Variants in XPA observed in about 807,000 individuals in gnomAD.
XPA encodes the protein XPA, DNA damage recognition and repair factor, also known as DNA repair protein complementing XP-A cells.
In XPA, 27 loss-of-function variants were observed where a neutral mutation model predicts 35.7. The ratio of observed to expected loss-of-function variants is 0.76; its 90% CI spans 0.56 to 1.04. The LOEUF (loss-of-function observed/expected upper bound fraction) is 1.04, where lower values mean the gene tolerates loss of function less well. Ranked by LOEUF, XPA falls within the 50% of genes least tolerant of loss-of-function variation. The pLI is 0.00. For missense variants in XPA, 354 were observed against 342.7 expected (o/e 1.03, Z -0.26); for synonymous variants, 133 against 118.4 (o/e 1.12, Z -0.80).
At chr9:97,695,053 AAGAGTATTACTTCTG>A (rs2131407881) in intron 1 of XPA, among the ~76,000 whole-genome samples, 1 of 152,338 alleles carries the variant, frequency 6.6e-6, no homozygotes, top group South Asian at 2.1e-4. Flanking sequence ...AAATGGTCAG[AAGAGTATTACTTCTG>A]AGAGTAGAGA....
chr9:97,663,003 C>T, the XPA span: 1 of 1,613,128 alleles, frequency 6.2e-7, no homozygotes, highest in Non-Finnish European at 8.5e-7. Flanking sequence ...AGGAAAGTTA[C>T]ATGTGCTAAG....
intron 4 of XPA, among the ~76,000 whole-genome samples, chr9:97,685,338 C>G (rs551534905): frequency 5.9e-5 from 9 of 152,248 alleles, no homozygotes; most frequent in African/African-American, 2.2e-4. Context: ...TGAGTTTGAT[C>G]AACTGTGGTG....
At chr9:97,677,079 T>TTTTCACGTAAGACA (rs999770407) in intron 5 of XPA, among the ~76,000 whole-genome samples, 4 of 141,652 alleles carry the variant, frequency 2.8e-5, no homozygotes, top group East Asian at 4.0e-4. Context: ...TTCAACTTGG[T>TTTTCACGTAAGACA]TCTCACCTTA....
At chr9:97,682,128 G>A (rs1053103062) in intron 5 of XPA, 22 of 373,870 alleles carry the variant, frequency 5.9e-5, no homozygotes, top group South Asian at 4.2e-4. Context: ...ATTCTTTTTG[G>A]TAGTAAGATC....
chr9:97,687,359 CAT>C, intron 3 of XPA, 98 bp from the exon 4 acceptor site: 1 of 1,050,182 alleles, frequency 9.5e-7, no homozygotes, highest in East Asian at 2.6e-5. Context: ...GCAAAAAGGA[CAT>C]ATAAAATACT....
At position 97,689,744 on chromosome 9, in the gene XPA, T is replaced by C. The variant is rs1828828460; in HGVS notation, c.284-105A>G. ...GCATGTATGCAATGCCTGACATAAA[T>C]ACATTTAAGTAAAAGACAAAATAAG... is the stretch of plus-strand genomic sequence containing the variant. On this transcript the variant is annotated intron_variant, in intron 2 of 5. Coordinates refer to ENST00000375128, the MANE Select transcript of XPA (RefSeq NM_000380.4). 2.4e-5 allele frequency: 15 copies of C among 623,820 alleles called. 2 individuals carry two copies. In the South Asian group the frequency reaches 3.0e-4, roughly 12 times the overall value. 38.6% of individuals were successfully genotyped at this position (623,820 alleles called of 1,614,324 possible).
chr9:97,676,358 T>C (rs1329703173), intron 5 of XPA, among the ~76,000 whole-genome samples: 2 of 152,238 alleles, frequency 1.3e-5, no homozygotes, highest in Non-Finnish European at 2.9e-5. Context: ...GAAAATTATA[T>C]TGGGTTCTTT....
intron 1 of XPA, among the ~76,000 whole-genome samples, chr9:97,694,233 T>C (rs1828976697): frequency 6.6e-6 from 1 of 151,922 alleles, no homozygotes; most frequent in Non-Finnish European, 1.5e-5. Flanking sequence ...ACTCCAGCAG[T>C]GGGGTGCGTT....
chr9:97,684,455 C>A (rs1587743720), intron 5 of XPA, among the ~76,000 whole-genome samples: 1 of 152,326 alleles, frequency 6.6e-6, no homozygotes, highest in South Asian at 2.1e-4. Context: ...ATCTACATAA[C>A]AAGTCACTCC....
the XPA span, chr9:97,662,943 A>T: frequency 6.3e-7 from 1 of 1,591,496 alleles, no homozygotes; most frequent in Non-Finnish European, 8.6e-7. Context: ...TTTTCCCATC[A>T]TTATCAAAAG....
chr9:97,692,920 A>C lies in XPA; in HGVS notation c.283+729T>G, dbSNP rs1448457672. Among the ~76,000 whole-genome samples the C allele has an allele frequency of 2.0e-5, 3 of 152,134 alleles. No homozygotes were observed. In the East Asian group the frequency reaches 5.8e-4, roughly 29 times the overall value. The stretch of plus-strand genomic sequence containing the variant: ...CCAGTCCCTGATGCAAATAAAAACA[A>C]ATATTTTAATCCTTCAAGTCTCAGC... On this transcript the variant is annotated intron_variant, in intron 2 of 5. Transcript: ENST00000375128.
intron 5 of XPA, chr9:97,682,225 C>G (rs1054447375): frequency 9.8e-6 from 5 of 508,036 alleles, no homozygotes; most frequent in Non-Finnish European, 2.0e-5. Context: ...TAAACTGTGT[C>G]AGCTTCTTTG....
At chr9:97,666,691 C>A in the XPA span, 2 of 1,027,882 alleles carry the variant, frequency 1.9e-6, no homozygotes, top group Non-Finnish European at 1.4e-6. Flanking sequence ...AATGAAATTA[C>A]AAAAGTTGAA....
chr9:97,678,239 G>A (rs1430476956), intron 5 of XPA, among the ~76,000 whole-genome samples: 1 of 151,852 alleles, frequency 6.6e-6, no homozygotes, highest in Non-Finnish European at 1.5e-5. Flanking sequence ...CATCTCTACT[G>A]AAAACACAAA....
At chr9:97,694,875 T>C (rs1406804779) in intron 1 of XPA, among the ~76,000 whole-genome samples, 1 of 151,834 alleles carries the variant, frequency 6.6e-6, no homozygotes, top group Non-Finnish European at 1.5e-5. Context: ...AAAAGGAAAA[T>C]GGAAAAAATT....
downstream of XPA, chr9:97,674,903 AC>A (rs1195068192): frequency 2.0e-6 from 1 of 498,148 alleles, no homozygotes; most frequent in Non-Finnish European, 4.0e-6. Context: ...AGTACAGAAA[AC>A]ATGATCAGAC....
At chr9:97,674,143 C>CCCG (rs532362929), downstream of XPA, among the ~76,000 whole-genome samples, 1,873 of 151,770 alleles carry the variant, frequency 0.012, 83 homozygotes, top group East Asian at 0.1. Flanking sequence ...CTTCCCCGCC[C>CCCG]CCATAATGCT....
chr9:97,676,209 CAG>C (rs375977938), intron 5 of XPA, among the ~76,000 whole-genome samples: 38 of 152,298 alleles, frequency 2.5e-4, no homozygotes, highest in African/African-American at 9.1e-4. Flanking sequence ...GAAAGAACCA[CAG>C]AGTTTTGATT....
At chr9:97,677,466 AGTTCAAGACCAGCCTGGGC>A (rs1278959529) in intron 5 of XPA, among the ~76,000 whole-genome samples, 3 of 152,168 alleles carry the variant, frequency 2.0e-5, no homozygotes. Flanking sequence ...TGAGCCTGGG[AGTTCAAGACCAGCCTGGGC>A]AACACAGTGA....
Sources: gnomAD v4.1 joint callset for allele counts (sites outside exome capture counted in the v4.1 genomes callset) on GRCh38, gnomAD v4.1.1 for gene constraint, MANE v1.5 for transcripts, NCBI Gene and HGNC (gene_info 2026-07-23, HGNC 2026-07-21) for gene names.